The following TIGIT variants were observed in gnomAD, a reference collection of about 807,000 sequenced individuals.
TIGIT encodes the protein T cell immunoreceptor with Ig and ITIM domains.
In TIGIT, 11 loss-of-function variants were observed where a neutral mutation model predicts 19.6. That is an observed-to-expected ratio of 0.56 (90% CI 0.35 to 0.93). TIGIT has a LOEUF of 0.93. Among genes scored for constraint, TIGIT ranks in the 40% least tolerant of loss-of-function variants. TIGIT has a pLI of 0.01. For missense variants in TIGIT, 295 were observed against 303.9 expected (o/e 0.97, Z 0.22); for synonymous variants, 130 against 125.5 (o/e 1.04, Z -0.24).
chr3:114,296,802 A>G (rs1404034268), intron 2 of TIGIT, among the ~76,000 whole-genome samples: 1 of 151,814 alleles, frequency 6.6e-6, no homozygotes, highest in African/African-American at 2.4e-5. Context: ...GCTGTCAGTT[A>G]TGTTGAAGAT....
In TIGIT at chr3:114,298,992, A is replaced by G. The variant is rs942631257; in HGVS notation, c.392-605A>G. Among the ~76,000 whole-genome samples, 31 of 152,298 alleles carry G rather than the reference A, an allele frequency of 2.0e-4. 1 individual carries two copies. Among genetic ancestry groups the G allele is most frequent in the African/African-American group, 6.7e-4 (28 of 41,540 alleles). On this transcript the variant is annotated intron_variant, in intron 2 of 3. Transcript: ENST00000383671. ...TACATGTTATCTCTTAATGAAATGC[A>G]CTAGTTCATGATTTCACTTATGCCA...
chr3:114,300,366 T>C (rs2078484538), intron 3 of TIGIT, among the ~76,000 whole-genome samples: 1 of 149,852 alleles, frequency 6.7e-6, no homozygotes, highest in African/African-American at 2.5e-5. Flanking sequence ...AGCAAGACTC[T>C]ATCTCTAAAA....
intron 2 of TIGIT, among the ~76,000 whole-genome samples, chr3:114,296,183 G>A (rs1560031354): frequency 6.6e-6 from 1 of 152,160 alleles, no homozygotes; most frequent in Admixed American, 6.6e-5. Context: ...CAGTTGATGA[G>A]GTCATATGCA....
chr3:114,297,523 C>T (rs2078462834), intron 2 of TIGIT, among the ~76,000 whole-genome samples: 1 of 152,160 alleles, frequency 6.6e-6, no homozygotes, highest in Non-Finnish European at 1.5e-5. Flanking sequence ...ACCCCAGTGT[C>T]ATATGCCAGA....
chr3:114,299,514 C>G (rs2078475686), intron 2 of TIGIT, 83 bp from the exon 3 acceptor site: 4 of 1,061,008 alleles, frequency 3.8e-6, no homozygotes. Context: ...CCTCCCCTCT[C>G]TGCCGTGAAG....
rs530704324 is a variant in TIGIT, at chr3:114,298,975, A to G, written c.392-622A>G. Among the ~76,000 whole-genome samples the G allele has an allele frequency of 5.3e-5, 8 of 152,316 alleles. No individual in the cohort carries two copies. In the East Asian group the frequency reaches 7.7e-4, roughly 15 times the overall value. ...ATCTTCTTGCTTCCACTTACATGTT[A>G]TCTCTTAATGAAATGCACTAGTTCA... On this transcript the variant is annotated intron_variant, in intron 2 of 3. Transcript: ENST00000383671.
Position 114,307,989 on chromosome 3 carries a change from G to A in TIGIT, c.593G>A (p.Gly198Glu). 6.2e-7 allele frequency: 1 copy of A among 1,614,174 alleles called. No homozygotes were observed. The highest frequency in any genetic ancestry group is 2.2e-5 in the East Asian group (1 of 44,888). The change falls in exon 4 of 4, where the codon GGA becomes GAA. Residue 198 changes from glycine (G) to glutamate (E), a missense_variant. Physicochemically the swap from Gly to Glu is moderately conservative, Grantham distance 98. Coordinates refer to ENST00000383671, the MANE Select transcript of TIGIT (RefSeq NM_173799.4). The part of the protein sequence containing the change: ...EWSPSAPSPP[G>E]SCVQAEAAPA... ...AGCCCCAGTGCTCCCTCACCCCCAG[G>A]AAGCTGTGTCCAGGCAGAAGCTGCA... is the stretch of plus-strand genomic sequence containing the variant.
intron 3 of TIGIT, among the ~76,000 whole-genome samples, chr3:114,300,383 A>AC (rs1284555374): frequency 6.6e-6 from 1 of 152,116 alleles, no homozygotes; most frequent in East Asian, 1.9e-4. Context: ...AAAAAAAAAA[A>AC]AAAATTGGTG....
chr3:114,307,757 G>C, intron 3 of TIGIT, 138 bp from the exon 4 acceptor site: 1 of 769,526 alleles, frequency 1.3e-6, no homozygotes. Flanking sequence ...GAAATTAAGG[G>C]CTAAGGAATT....
chr3:114,305,381 G>A lies in TIGIT; in HGVS notation c.499-2514G>A, dbSNP rs112309264. Among the ~76,000 whole-genome samples the A allele has an allele frequency of 6.1e-3, 925 of 152,254 alleles. 18 individuals are homozygous for A. The highest frequency in any genetic ancestry group is 0.022 in the African/African-American group (896 of 41,544). On this transcript the variant is annotated intron_variant, in intron 3 of 3. Coordinates refer to ENST00000383671, the MANE Select transcript of TIGIT (RefSeq NM_173799.4). ...AGCAACTGTTTTAGATCAGGTCCCC[G>A]GAAATAGAGCCTGACATGCAAATTT...
In TIGIT at chr3:114,309,397, A is replaced by G. The variant is rs1028513870; in HGVS notation, c.*1266A>G. 6.6e-6 allele frequency: 1 copy of G among 152,156 alleles called. No individual in the cohort carries two copies. The allele number at this position is 152,156 out of a possible 1,614,324, so 9.4% of individuals were successfully genotyped here. ...AGGAATGAGCGGGGAGGTTGGATTT[A>G]CTGGTGACTGATTTTCTTTCATGGG... On this transcript the variant is annotated 3_prime_UTR_variant, in exon 4 of 4. Transcript: ENST00000383671.
At chr3:114,305,636 A>G (rs2078528557) in intron 3 of TIGIT, among the ~76,000 whole-genome samples, 1 of 152,128 alleles carries the variant, frequency 6.6e-6, no homozygotes. Flanking sequence ...CCCAAGAGCA[A>G]TTCTCCAGAG....
At position 114,310,230 on chromosome 3, in the gene TIGIT, TTG is replaced by T. The variant is rs1279832477; in HGVS notation, c.*2105_*2106del. On this transcript the variant is annotated 3_prime_UTR_variant, in exon 4 of 4. Transcript: ENST00000383671. ...ATACTATTTCAGTAGTTTTGGTATA[TTG>T]TGTGTCAAAAATGATAATATTTTGG... 6.6e-6 allele frequency: 1 copy of T among 152,204 alleles called. No individual in the cohort carries two copies. Among genetic ancestry groups the T allele is most frequent in the Non-Finnish European group, 1.5e-5 (1 of 68,030 alleles). The allele number at this position is 152,204 out of a possible 1,614,324, so 9.4% of individuals were successfully genotyped here.
rs2078559072 is a variant in TIGIT, at chr3:114,309,642, A to G, written c.*1511A>G. On this transcript the variant is annotated 3_prime_UTR_variant, in exon 4 of 4. Coordinates refer to ENST00000383671, the MANE Select transcript of TIGIT (RefSeq NM_173799.4). ...GAACTGAAATCTGTCCAGAGCTCCA[A>G]GTCCTTTGGAAGAAAGATTAGATGA... The G allele has an allele frequency of 6.6e-6, 1 of 152,194 alleles. No individual in the cohort carries two copies. The highest frequency in any genetic ancestry group is 1.5e-5 in the Non-Finnish European group (1 of 68,026). 9.4% of individuals were successfully genotyped at this position (152,194 alleles called of 1,614,324 possible).
chr3:114,294,921 A>G (rs929981057), intron 1 of TIGIT: 1 of 152,944 alleles, frequency 6.5e-6, no homozygotes, highest in Non-Finnish European at 1.5e-5. Flanking sequence ...ACAAAACAAA[A>G]TAAAAACAGA....
chr3:114,295,447 A>G, intron 1 of TIGIT, 98 bp from the exon 2 acceptor site: 2 of 886,122 alleles, frequency 2.3e-6, no homozygotes, highest in Admixed American at 2.3e-5. Flanking sequence ...ATCATTCCAA[A>G]ATCCAGTTGG....
intron 3 of TIGIT, among the ~76,000 whole-genome samples, chr3:114,305,361 C>T (rs1481904737): frequency 6.6e-6 from 1 of 152,176 alleles, no homozygotes; most frequent in Non-Finnish European, 1.5e-5. Flanking sequence ...CCAGCAGCAA[C>T]TGTTTTAGAT....
intron 3 of TIGIT, among the ~76,000 whole-genome samples, chr3:114,304,166 T>C (rs1015705766): frequency 2.0e-5 from 3 of 152,172 alleles, no homozygotes; most frequent in African/African-American, 4.8e-5. Flanking sequence ...TTGTTGGATA[T>C]ATAATTTACA....
intron 2 of TIGIT, among the ~76,000 whole-genome samples, chr3:114,296,998 G>T (rs751911688): frequency 6.7e-6 from 1 of 148,288 alleles, no homozygotes; most frequent in Non-Finnish European, 1.5e-5. Context: ...GAGTTCAAGC[G>T]ATTCTCTCCT....
Sources: allele counts gnomAD v4.1 joint callset (sites outside exome capture counted in the v4.1 genomes callset), GRCh38; gene constraint gnomAD v4.1.1; transcripts MANE v1.5; gene names NCBI Gene and HGNC (gene_info 2026-07-23, HGNC 2026-07-21).